Variants in PXDN observed in about 807,000 individuals in gnomAD.
PXDN encodes peroxidasin homolog.
PXDN carries 77 observed loss-of-function variants against 140.3 expected under a neutral mutation model. That is an observed-to-expected ratio of 0.55 (90% CI 0.46 to 0.66). PXDN has a LOEUF of 0.66. Among genes scored for constraint, PXDN ranks in the 30% least tolerant of loss-of-function variants. The pLI is 0.00. For synonymous variants in PXDN, 911 were observed against 857.4 expected, an observed-to-expected ratio of 1.06 and a Z score of -1.09; for missense variants, 1,838 against 2,039.5, an observed-to-expected ratio of 0.90 and a Z score of 1.90.
At chr2:1,706,713 G>A (rs76612345) in intron 1 of PXDN, among the ~76,000 whole-genome samples, 2 of 89,022 alleles carry the variant, frequency 2.2e-5, no homozygotes, top group Non-Finnish European at 4.2e-5. Context: ...CTGAGAGCAC[G>A]CTGCAGTGTT....
intron 1 of PXDN, among the ~76,000 whole-genome samples, chr2:1,719,543 G>A (rs902964213): frequency 2.0e-5 from 3 of 152,132 alleles, no homozygotes; most frequent in Non-Finnish European, 2.9e-5. Context: ...CTCTAACAGC[G>A]GCCTCCAGGG....
At chr2:1,710,879 C>G (rs1684751007) in intron 1 of PXDN, among the ~76,000 whole-genome samples, 1 of 115,104 alleles carries the variant, frequency 8.7e-6, no homozygotes, top group Non-Finnish European at 1.8e-5. Context: ...CACTCTCCAC[C>G]AGCACCTGCT....
chr2:1,671,578 T>C (rs1208372636), intron 9 of PXDN, among the ~76,000 whole-genome samples: 3 of 152,190 alleles, frequency 2.0e-5, no homozygotes, highest in Admixed American at 1.3e-4. Context: ...AAAGCACTGA[T>C]AGAGATAGAA....
At chr2:1,646,227 T>C (rs944190387) in intron 17 of PXDN, 3 of 152,216 alleles carry the variant, frequency 2.0e-5, no homozygotes, top group Admixed American at 6.5e-5. Context: ...CAGGAAAACA[T>C]AAATAAAGAG....
intron 12 of PXDN, among the ~76,000 whole-genome samples, chr2:1,662,895 A>C (rs550847841): frequency 6.6e-6 from 1 of 151,800 alleles, no homozygotes; most frequent in Non-Finnish European, 1.5e-5. Flanking sequence ...TCTCTGCCCC[A>C]CTCCCCATGG....
intron 1 of PXDN, among the ~76,000 whole-genome samples, chr2:1,699,481 G>A (rs573104478): frequency 1.8e-4 from 27 of 152,312 alleles, no homozygotes; most frequent in South Asian, 4.1e-4. Flanking sequence ...GGCCGAGGCC[G>A]GCGGATCACC....
Position 1,687,648 on chromosome 2 carries a change from C to T in PXDN, c.400G>A (p.Ala134Thr), listed in dbSNP as rs756631872. ...SIDRQAFKGL[A>T]SLEQLYLHFN... is the part of the protein sequence containing the mutation. ...GGCACTTACAGTTGCTCTAGAGAGGCAAGTCCCTTAAATGCTTGCCTGTCA... is the reference window on the plus strand; with the variant it reads ...GGCACTTACAGTTGCTCTAGAGAGGTAAGTCCCTTAAATGCTTGCCTGTCA... Residue 134 changes from alanine to threonine, a missense_variant, in exon 4 of 23, where the codon GCC becomes ACC. Coordinates refer to ENST00000252804, the MANE Select transcript of PXDN (RefSeq NM_012293.3). This position sits in a 1 kb window ranked among gnomAD's most constrained non-coding sequence, Gnocchi z 4.0. The T allele has an allele frequency of 4.1e-5, 63 of 1,521,168 alleles. No homozygotes were observed. Among genetic ancestry groups the T allele is most frequent in the Non-Finnish European group, 5.5e-5 (60 of 1,100,168 alleles). 94.2% of individuals were successfully genotyped at this position (1,521,168 alleles called of 1,614,324 possible).
chr2:1,662,212 A>T, intron 12 of PXDN, 28 bp from the exon 13 acceptor site: 3 of 1,542,306 alleles, frequency 1.9e-6, no homozygotes, highest in Non-Finnish European at 2.6e-6. Flanking sequence ...AGAATCCAGG[A>T]GAACGAGTCA....
intron 21 of PXDN, among the ~76,000 whole-genome samples, chr2:1,637,237 C>T (rs1682583072): frequency 2.0e-5 from 3 of 152,180 alleles, no homozygotes; most frequent in Admixed American, 2.0e-4. Flanking sequence ...CCTAGGGCAC[C>T]CAGGCCCCAG....
rs1683010185 is a variant in PXDN at position 1,651,347 on chromosome 2, C to G, written c.2105-1672G>C. 6.6e-6 allele frequency among the ~76,000 whole-genome samples: 1 copy of G among 152,206 alleles called. No individual in the cohort carries two copies. On this transcript the variant is annotated intron_variant, in intron 16 of 22. Coordinates refer to ENST00000252804, the MANE Select transcript of PXDN (RefSeq NM_012293.3). This position sits in a 1 kb window ranked among gnomAD's most constrained non-coding sequence, Gnocchi z 4.4. ...GGCAGACCAGACCCGCCAACCAGAG[C>G]AGGTGGCACCGACCCTGGCCCCAGT...
chr2:1,695,779 C>A (rs756885264), intron 1 of PXDN, among the ~76,000 whole-genome samples: 5 of 79,760 alleles, frequency 6.3e-5, no homozygotes, highest in Non-Finnish European at 1.3e-4. Context: ...CCCTGCTGGA[C>A]AGAGAGGTGC....
chr2:1,634,121 G>A lies in PXDN; in HGVS notation c.*83C>T. On this transcript the variant is annotated 3_prime_UTR_variant, in exon 23 of 23. Coordinates refer to ENST00000252804, the MANE Select transcript of PXDN (RefSeq NM_012293.3). ...TGTCACGAGTTCTGGGTGTTTCCTG[G>A]TCTGCAGTCCGCAGCTCCCTGCCAT... 6.6e-7 allele frequency: 1 copy of A among 1,520,872 alleles called. No individual in the cohort carries two copies. Among genetic ancestry groups the A allele is most frequent in the Non-Finnish European group, 8.9e-7 (1 of 1,125,774 alleles). 94.2% of individuals were successfully genotyped at this position (1,520,872 alleles called of 1,614,324 possible).
At chr2:1,666,806 T>C (rs992806526) in intron 9 of PXDN, among the ~76,000 whole-genome samples, 4 of 152,206 alleles carry the variant, frequency 2.6e-5, no homozygotes, top group African/African-American at 9.7e-5. Context: ...ATACATTATG[T>C]CAATCTTGTT....
intron 21 of PXDN, among the ~76,000 whole-genome samples, 184 bp downstream of exon 21, chr2:1,638,662 A>C (rs1004510695): frequency 3.9e-5 from 6 of 152,194 alleles, no homozygotes; most frequent in Admixed American, 2.6e-4. Flanking sequence ...CAGGGACACC[A>C]GTGGCACATG....
At chr2:1,711,563 T>TCCACTCCACCAGCAC (rs1684782808) in intron 1 of PXDN, among the ~76,000 whole-genome samples, 1 of 28,064 alleles carries the variant, frequency 3.6e-5, no homozygotes. Flanking sequence ...TCCACCAGCA[T>TCCACTCCACCAGCAC]CCACTCTCCA....
chr2:1,676,259 G>A (rs75774557), intron 8 of PXDN: 8,963 of 151,004 alleles, frequency 0.059, 356 homozygotes, highest in Middle Eastern at 0.16. Flanking sequence ...GCGCAGGGGT[G>A]CTCCCCACAC....
intron 1 of PXDN, among the ~76,000 whole-genome samples, chr2:1,712,554 G>A (rs1684807435): frequency 6.6e-6 from 1 of 152,178 alleles, no homozygotes; most frequent in South Asian, 2.1e-4. Context: ...GAGAAGAGTG[G>A]AAATCTAAAT....
intron 1 of PXDN, among the ~76,000 whole-genome samples, chr2:1,700,752 G>T (rs1684406731): frequency 6.6e-6 from 1 of 152,066 alleles, no homozygotes; most frequent in Non-Finnish European, 1.5e-5. Context: ...GCGCACACCT[G>T]TAATCCCAGT....
chr2:1,719,875 A>T lies in PXDN; in HGVS notation c.200+24381T>A, dbSNP rs867069683. Among the ~76,000 whole-genome samples the T allele has an allele frequency of 2.0e-3, 208 of 103,360 alleles. 1 individual carries two copies. Among genetic ancestry groups the T allele is most frequent in the African/African-American group, 5.1e-3 (106 of 20,872 alleles). The allele number at this position is 103,360 out of a possible 152,430, so 67.8% of individuals were successfully genotyped here. A position where few individuals can be genotyped will look rare whatever the true frequency, so the allele number is the denominator to read the frequency against. On this transcript the variant is annotated intron_variant, in intron 1 of 22. Transcript: ENST00000252804. ...GTGTGTGTGTGTGTGTGTGTGTGTG[A>T]AAGAGAGAGAGGGAGGGAGATTCAG...
Sources: gnomAD v4.1 joint callset for allele counts (sites outside exome capture counted in the v4.1 genomes callset) on GRCh38, gnomAD v4.1.1 for gene constraint, Gnocchi (gnomAD v3.1) non-coding constraint, MANE v1.5 for transcripts, NCBI Gene and HGNC (gene_info 2026-07-23, HGNC 2026-07-21) for gene names.